Variants in SFSWAP observed in about 807,000 individuals in gnomAD.
The protein encoded by SFSWAP is splicing factor, suppressor of white-apricot homolog.
A neutral mutation model predicts 100.7 loss-of-function variants in SFSWAP; 17 were observed. The ratio of observed to expected loss-of-function variants is 0.17; its 90% CI spans 0.12 to 0.25. The LOEUF (loss-of-function observed/expected upper bound fraction) is 0.25. Among genes scored for constraint, SFSWAP ranks in the 10% least tolerant of loss-of-function variants. The pLI is 1.00. For synonymous variants in SFSWAP, 504 were observed against 510.1 expected, an observed-to-expected ratio of 0.99 and a Z score of 0.16; for missense variants, 1,005 against 1,262.6, an observed-to-expected ratio of 0.80 and a Z score of 3.09.
chr12:131,780,345 G>A (rs1884399906), intron 14 of SFSWAP, among the ~76,000 whole-genome samples: 2 of 152,126 alleles, frequency 1.3e-5, no homozygotes, highest in Non-Finnish European at 2.9e-5. Context: ...GTATATCGAA[G>A]CTTTTTAAAA....
intron 4 of SFSWAP, among the ~76,000 whole-genome samples, chr12:131,720,721 T>C (rs1229470252): frequency 6.6e-6 from 1 of 152,232 alleles, no homozygotes; most frequent in Non-Finnish European, 1.5e-5. Flanking sequence ...TTCATTAATC[T>C]GATGAAGGGC....
rs750083320 is a variant in SFSWAP, at chr12:131,783,277, A to G, written c.2409-3186A>G. Among the ~76,000 whole-genome samples the G allele has an allele frequency of 7.7e-4, 118 of 152,292 alleles. 2 individuals are homozygous for G. Among genetic ancestry groups the G allele is most frequent in the Non-Finnish European group, 1.2e-3 (84 of 68,024 alleles). On this transcript the variant is annotated intron_variant, in intron 14 of 17. Transcript: ENST00000261674. Reference sequence around the variant, plus strand: ...TCTGGTTCTCTATGTTAATGGAATGAAGAAGTACTCATGTAGTTCATTTAC... The same window carrying G: ...TCTGGTTCTCTATGTTAATGGAATGGAGAAGTACTCATGTAGTTCATTTAC...
intron 7 of SFSWAP, among the ~76,000 whole-genome samples, chr12:131,751,279 C>T (rs372525334): frequency 2.6e-5 from 4 of 152,122 alleles, no homozygotes; most frequent in African/African-American, 9.7e-5. Context: ...AATTATAAAC[C>T]GTTTTGTTTT....
chr12:131,780,228 A>G (rs531797175), intron 14 of SFSWAP, among the ~76,000 whole-genome samples: 1 of 152,328 alleles, frequency 6.6e-6, no homozygotes, highest in South Asian at 2.1e-4. Context: ...ACGTTTCATC[A>G]CTTCATACCC....
intron 15 of SFSWAP, 126 bp downstream of exon 15, chr12:131,786,714 C>T (rs1446631135): frequency 1.0e-5 from 10 of 964,198 alleles, no homozygotes; most frequent in Non-Finnish European, 3.0e-6. Context: ...CTGAGTCCCC[C>T]ACCACCCCCC....
In SFSWAP at chr12:131,730,937, C is replaced by T. The variant is rs974348227; in HGVS notation, c.1081+2509C>T. Among the ~76,000 whole-genome samples, 3 of 152,152 alleles carry T rather than the reference C, an allele frequency of 2.0e-5. No individual in the cohort carries two copies. The highest frequency in any genetic ancestry group is 6.5e-5 in the Admixed American group (1 of 15,282). On this transcript the variant is annotated intron_variant, in intron 7 of 17. Coordinates refer to ENST00000261674, the MANE Select transcript of SFSWAP (RefSeq NM_004592.4). The surrounding 1 kb of genome is among the most constrained non-coding windows in gnomAD (Gnocchi z 4.0). ...GTGCCTGGGGGCTGGTGAAAGCATGCGTGTCTGCTGTTAGGGTCTGTGGGT... is the reference window on the plus strand; with the variant it reads ...GTGCCTGGGGGCTGGTGAAAGCATGTGTGTCTGCTGTTAGGGTCTGTGGGT...
intron 13 of SFSWAP, 87 bp downstream of exon 13, chr12:131,766,395 T>A (rs893124404): frequency 1.4e-5 from 18 of 1,276,228 alleles, no homozygotes; most frequent in Non-Finnish European, 1.7e-5. Flanking sequence ...TGCCCTAGTC[T>A]CTGGCCTGAG....
At chr12:131,789,322 T>C (rs1465796016) in intron 15 of SFSWAP, among the ~76,000 whole-genome samples, 4 of 152,164 alleles carry the variant, frequency 2.6e-5, no homozygotes, top group Non-Finnish European at 5.9e-5. Context: ...TTTCACTGAC[T>C]TCTCACTTGG....
At position 131,766,790 on chromosome 12, in the gene SFSWAP, GCTCCTTC is replaced by G. The variant is rs2136239869; in HGVS notation, c.2142+486_2142+492del. Among the ~76,000 whole-genome samples the G allele has an allele frequency of 3.9e-5, 6 of 152,374 alleles. 1 individual carries two copies. Among genetic ancestry groups the G allele is most frequent in the African/African-American group, 1.4e-4 (6 of 41,594 alleles). ...AGAGAACAGACTCCAGGAGTACATGGCTCCTTCCTCAGTGGTGTGAGCAGGAATAGGG... is the reference window on the plus strand; with the variant it reads ...AGAGAACAGACTCCAGGAGTACATGGCTCAGTGGTGTGAGCAGGAATAGGG... On this transcript the variant is annotated intron_variant, in intron 13 of 17. Coordinates refer to ENST00000261674, the MANE Select transcript of SFSWAP (RefSeq NM_004592.4).
At chr12:131,777,222 A>C (rs868490580) in intron 13 of SFSWAP, among the ~76,000 whole-genome samples, 1 of 152,124 alleles carries the variant, frequency 6.6e-6, no homozygotes, top group Non-Finnish European at 1.5e-5. Flanking sequence ...TACATGTGCC[A>C]TGTTGGTGTG....
chr12:131,778,611 A>G lies in SFSWAP; in HGVS notation c.2408+281A>G, dbSNP rs933546109. 6.6e-5 allele frequency among the ~76,000 whole-genome samples: 10 copies of G among 152,094 alleles called. No homozygotes were observed. Among genetic ancestry groups the G allele is most frequent in the Non-Finnish European group, 1.5e-4 (10 of 68,000 alleles). On this transcript the variant is annotated intron_variant, in intron 14 of 17. Coordinates refer to ENST00000261674, the MANE Select transcript of SFSWAP (RefSeq NM_004592.4). The surrounding 1 kb of genome is among the most constrained non-coding windows in gnomAD (Gnocchi z 4.2). ...TGGCTCACTGCAACCTCCGCTTCCC[A>G]GGTTCAAGTGATTCTCCTGCCTCAG...
chr12:131,763,119 G>C (rs1882814314), intron 11 of SFSWAP, among the ~76,000 whole-genome samples: 1 of 152,118 alleles, frequency 6.6e-6, no homozygotes, highest in South Asian at 2.1e-4. Context: ...TATTTCAGAG[G>C]GTCTGGGCTA....
At position 131,775,844 on chromosome 12, in the gene SFSWAP, C is replaced by G. The variant is rs1374179379; in HGVS notation, c.2143-2221C>G. ...GTGGTTCACGCCCGTAATCTCAGCACTTTGGGATGCTGAGGTGTGCAGTTC... is the reference window on the plus strand; with the variant it reads ...GTGGTTCACGCCCGTAATCTCAGCAGTTTGGGATGCTGAGGTGTGCAGTTC... On this transcript the variant is annotated intron_variant, in intron 13 of 17. Transcript: ENST00000261674. Among the ~76,000 whole-genome samples, 4 of 151,180 alleles carry G rather than the reference C, an allele frequency of 2.6e-5. No homozygotes were observed. The East Asian group carries it at 7.8e-4, about 30-fold the overall frequency.
intron 14 of SFSWAP, among the ~76,000 whole-genome samples, chr12:131,782,671 A>G (rs942903197): frequency 9.9e-5 from 15 of 152,236 alleles, no homozygotes; most frequent in Admixed American, 2.0e-4. Flanking sequence ...ACAGAAAGTT[A>G]AGATTAGAAA....
chr12:131,791,038 T>G (rs1030390177), intron 15 of SFSWAP, among the ~76,000 whole-genome samples: 2 of 152,152 alleles, frequency 1.3e-5, no homozygotes, highest in Middle Eastern at 3.2e-3. Context: ...TGTAAAATAA[T>G]TACATTAAAT....
chr12:131,755,151 A>G (rs2136226062), intron 9 of SFSWAP, among the ~76,000 whole-genome samples: 1 of 152,338 alleles, frequency 6.6e-6, no homozygotes, highest in Non-Finnish European at 1.5e-5. Flanking sequence ...CCCACGCCTC[A>G]GTACTAATAA....
intron 13 of SFSWAP, among the ~76,000 whole-genome samples, chr12:131,767,149 C>T (rs555048728): frequency 6.9e-5 from 9 of 130,078 alleles, no homozygotes; most frequent in East Asian, 2.5e-4. Flanking sequence ...CATGCGTGTC[C>T]GAGACCAGAG....
Position 131,714,919 on chromosome 12 carries a change from G to A in SFSWAP, c.486G>A (p.Glu162=). ...TYGSDYYDPS[E]PTEEEEPSKQ... Reference sequence around the variant, plus strand: ...GTAGCGACTATTACGACCCGTCAGAGCCGACGGAGGAGGAGGAGCCTTCCA... The same window carrying A: ...GTAGCGACTATTACGACCCGTCAGAACCGACGGAGGAGGAGGAGCCTTCCA... The change falls in exon 3 of 18, where the codon GAG becomes GAA. Residue 162 remains glutamate (E), a synonymous_variant. Coordinates refer to ENST00000261674, the MANE Select transcript of SFSWAP (RefSeq NM_004592.4). The surrounding 1 kb of genome is among the most constrained non-coding windows in gnomAD (Gnocchi z 6.0). 3 of 1,614,154 alleles carry A rather than the reference G, an allele frequency of 1.9e-6. No homozygotes were observed. The highest frequency in any genetic ancestry group is 1.7e-6 in the Non-Finnish European group (2 of 1,180,038).
rs11246767 is a variant in SFSWAP at position 131,711,644 on chromosome 12, C to T, written c.218+197C>T. On this transcript the variant is annotated intron_variant, in intron 1 of 17. Transcript: ENST00000261674. This position sits in a 1 kb window ranked among gnomAD's most constrained non-coding sequence, Gnocchi z 4.9. ...GGTGAAACCTGCCCTAAGGCACTGG[C>T]TGGAATTGCGTGCCGCGTCCGTCTC... 3.4e-6 allele frequency: 2 copies of T among 579,986 alleles called. No individual in the cohort carries two copies. Among genetic ancestry groups the T allele is most frequent in the Non-Finnish European group, 6.1e-6 (2 of 325,996 alleles). The allele number at this position is 579,986 out of a possible 1,614,324, so 35.9% of individuals were successfully genotyped here. A position where few individuals can be genotyped will look rare whatever the true frequency, so the allele number is the denominator to read the frequency against.
Sources: gnomAD v4.1 joint callset for allele counts (sites outside exome capture counted in the v4.1 genomes callset) on GRCh38, gnomAD v4.1.1 for gene constraint, Gnocchi (gnomAD v3.1) non-coding constraint, MANE v1.5 for transcripts, NCBI Gene and HGNC (gene_info 2026-07-23, HGNC 2026-07-21) for gene names.